Variants in COL26A1 observed in about 807,000 individuals in gnomAD.
The protein encoded by COL26A1 is collagen alpha-1(XXVI) chain.
COL26A1 carries 41 observed loss-of-function variants against 59.3 expected under a neutral mutation model. The observed-to-expected ratio is 0.69, with a 90% CI of 0.54 to 0.90. The LOEUF (loss-of-function observed/expected upper bound fraction) is 0.90. COL26A1 is among the 40% of genes least tolerant of loss of function. The probability of loss-of-function intolerance (pLI) is 0.00; values close to 1 mark genes in which losing one functional copy is unlikely to be tolerated. For synonymous variants in COL26A1, 266 were observed against 256.0 expected, an observed-to-expected ratio of 1.04 and a Z score of -0.37; for missense variants, 612 against 602.3, an observed-to-expected ratio of 1.02 and a Z score of -0.17.
intron 1 of COL26A1, among the ~76,000 whole-genome samples, chr7:101,386,280 T>C (rs78590978): frequency 7.6e-6 from 1 of 132,046 alleles, no homozygotes; most frequent in Non-Finnish European, 1.6e-5. Flanking sequence ...TTTTTTTTTT[T>C]AATTTTTTGA....
chr7:101,478,622 G>A (rs568759784), intron 3 of COL26A1, among the ~76,000 whole-genome samples: 3 of 152,248 alleles, frequency 2.0e-5, no homozygotes, highest in South Asian at 4.1e-4. Flanking sequence ...ATTTGCTTCA[G>A]TGTTTCCTTT....
intron 3 of COL26A1, among the ~76,000 whole-genome samples, chr7:101,529,836 C>T (rs1364520823): frequency 1.3e-5 from 2 of 152,262 alleles, no homozygotes; most frequent in East Asian, 1.9e-4. Context: ...TTGGTGGACG[C>T]TTAGGTTCCA....
chr7:101,441,646 A>G (rs1793060592), intron 2 of COL26A1, among the ~76,000 whole-genome samples: 2 of 152,186 alleles, frequency 1.3e-5, no homozygotes, highest in South Asian at 2.1e-4. Context: ...TGTTCTCATG[A>G]CCATCTTCAT....
intron 2 of COL26A1, among the ~76,000 whole-genome samples, chr7:101,432,624 C>A (rs1195808487): frequency 6.6e-6 from 1 of 152,122 alleles, no homozygotes; most frequent in Non-Finnish European, 1.5e-5. Flanking sequence ...GGCTGAGTCC[C>A]AGGAAGAAGC....
intron 10 of COL26A1, 56 bp from the exon 11 acceptor site, chr7:101,553,270 G>T (rs1352834886): frequency 3.3e-6 from 5 of 1,519,234 alleles, no homozygotes; most frequent in Non-Finnish European, 4.6e-6. Context: ...ACTGGAGAGG[G>T]TGGAGAGGTG....
intron 3 of COL26A1, among the ~76,000 whole-genome samples, chr7:101,493,999 A>C (rs1015719603): frequency 6.6e-6 from 1 of 152,064 alleles, no homozygotes; most frequent in Non-Finnish European, 1.5e-5. Context: ...AAGATCCCAC[A>C]GTAAGGCTGA....
intron 3 of COL26A1, 45 bp downstream of exon 3, chr7:101,447,832 A>G: frequency 8.0e-7 from 1 of 1,252,788 alleles, no homozygotes; most frequent in Non-Finnish European, 1.1e-6. Context: ...GGCGTGGGCC[A>G]GGCTGGAGTT....
At chr7:101,467,784 A>G (rs1049020831) in intron 3 of COL26A1, among the ~76,000 whole-genome samples, 7 of 151,754 alleles carry the variant, frequency 4.6e-5, no homozygotes, top group East Asian at 1.9e-4. Flanking sequence ...GCAGAATGGC[A>G]TGAACCCGGG....
chr7:101,482,006 T>C (rs1403585749), intron 3 of COL26A1, among the ~76,000 whole-genome samples: 1 of 151,814 alleles, frequency 6.6e-6, no homozygotes, highest in Admixed American at 6.6e-5. Context: ...TAATATCATA[T>C]GTACTCTTTT....
intron 7 of COL26A1, 96 bp from the exon 8 acceptor site, chr7:101,547,060 C>T (rs1434988807): frequency 9.9e-6 from 8 of 811,956 alleles, no homozygotes; most frequent in African/African-American, 8.7e-5. Context: ...CCCTGGGCTT[C>T]GTGTGGCCTG....
At position 101,555,781 on chromosome 7, in the gene COL26A1, C is replaced by T. The variant is rs372227500; in HGVS notation, c.1081-6C>T. 4.8e-5 allele frequency: 77 copies of T among 1,605,418 alleles called. No individual in the cohort carries two copies. The highest frequency in any genetic ancestry group is 3.9e-4 in the South Asian group (35 of 88,808). ...GCCCTGACCCTGCCTGTTTCCTCCC[C>T]GCCAGGGCGAGGGGGTGCAGCAGCT... On this transcript the variant is annotated splice_polypyrimidine_tract_variant and splice_region_variant and intron_variant, in intron 11 of 12. Coordinates refer to ENST00000313669, the MANE Select transcript of COL26A1 (RefSeq NM_001278563.3).
chr7:101,517,011 C>T (rs1200189883), intron 3 of COL26A1, among the ~76,000 whole-genome samples: 3 of 152,052 alleles, frequency 2.0e-5, no homozygotes, highest in Admixed American at 6.6e-5. Flanking sequence ...GAGTGCTCCT[C>T]GGATTACCAT....
rs1795572199 is a variant in COL26A1 at position 101,539,907 on chromosome 7, A to G, written c.462A>G (p.Glu154=). Residue 154 remains glutamate (E), a synonymous_variant, in exon 5 of 13, where the codon GAA becomes GAG. Coordinates refer to ENST00000313669, the MANE Select transcript of COL26A1 (RefSeq NM_001278563.3). ...CTTTGGCCCAGGTCCTCCTGCTAGA[A>G]GCAGCAGAACGGCCCTCCAGCCCGG... is the stretch of plus-strand genomic sequence containing the variant. The part of the protein sequence containing the change: ...TTLEAKVLLL[E]AAERPSSPDN... The G allele has an allele frequency of 9.3e-6, 15 of 1,612,108 alleles. No individual in the cohort carries two copies. Among genetic ancestry groups the G allele is most frequent in the Non-Finnish European group, 1.3e-5 (15 of 1,179,230 alleles).
chr7:101,433,327 AAAAT>A (rs1419514568), intron 2 of COL26A1, among the ~76,000 whole-genome samples: 1 of 152,144 alleles, frequency 6.6e-6, no homozygotes, highest in Non-Finnish European at 1.5e-5. Context: ...CCTGCATCAA[AAAAT>A]AAATAAATAA....
At chr7:101,503,877 T>A (rs1794753694) in intron 3 of COL26A1, among the ~76,000 whole-genome samples, 1 of 152,022 alleles carries the variant, frequency 6.6e-6, no homozygotes, top group African/African-American at 2.4e-5. Context: ...CCTTGGAGAG[T>A]CCCTTGTTAG....
intron 3 of COL26A1, among the ~76,000 whole-genome samples, chr7:101,473,234 C>T (rs61226546): frequency 6.6e-6 from 1 of 152,056 alleles, no homozygotes; most frequent in African/African-American, 2.4e-5. Flanking sequence ...CGCCCGCCAC[C>T]ACGCCTGGCT....
At chr7:101,483,100 G>T (rs1344774111) in intron 3 of COL26A1, among the ~76,000 whole-genome samples, 1 of 152,106 alleles carries the variant, frequency 6.6e-6, no homozygotes, top group Non-Finnish European at 1.5e-5. Flanking sequence ...ATATGACCAT[G>T]GTCTGCTTTA....
chr7:101,406,952 T>TA (rs951810993), intron 1 of COL26A1, among the ~76,000 whole-genome samples: 2 of 145,070 alleles, frequency 1.4e-5, no homozygotes, highest in Admixed American at 6.9e-5. Context: ...GCTGTCCCTG[T>TA]AAAAAACAAA....
At chr7:101,379,166 C>G (rs531144551) in intron 1 of COL26A1, among the ~76,000 whole-genome samples, 9 of 152,174 alleles carry the variant, frequency 5.9e-5, no homozygotes, top group Non-Finnish European at 1.2e-4. Flanking sequence ...ACGGCTGATG[C>G]TTGGGCTCCA....
Sources: gnomAD v4.1 joint callset for allele counts (sites outside exome capture counted in the v4.1 genomes callset) on GRCh38, gnomAD v4.1.1 for gene constraint, MANE v1.5 for transcripts, NCBI Gene and HGNC (gene_info 2026-07-23, HGNC 2026-07-21) for gene names.